Variants in ANKRD28 observed in about 807,000 individuals in gnomAD.
The protein encoded by ANKRD28 is serine/threonine-protein phosphatase 6 regulatory ankyrin repeat subunit A.
ANKRD28 carries 44 observed loss-of-function variants against 126.5 expected under a neutral mutation model. That is an observed-to-expected ratio of 0.35 (90% CI 0.27 to 0.45). The LOEUF is 0.45. Ranked by LOEUF, ANKRD28 falls within the 20% of genes least tolerant of loss-of-function variation. The pLI, the probability that ANKRD28 is intolerant of heterozygous loss-of-function variation, is 1.00. For synonymous variants in ANKRD28, 442 were observed against 468.5 expected (o/e 0.94, Z 0.73); for missense variants, 1,110 against 1,316.6 (o/e 0.84, Z 2.43).
At position 15,766,283 on chromosome 3, in the gene ANKRD28, G is replaced by A. The variant is rs768650313; in HGVS notation, c.231C>T (p.Ala77=). The change falls in exon 3 of 28, where the codon GCC becomes GCT. Residue 77 remains alanine (A), a synonymous_variant. Coordinates refer to ENST00000683139, the MANE Select transcript of ANKRD28 (RefSeq NM_001349278.2). The stretch of plus-strand genomic sequence containing the variant: ...TTTCTGCATCTCCAAGGTAAGCTGC[G>A]GCGTGCAATGGGGTTCGCTTTTCAT... ...QDNEKRTPLH[A]AAYLGDAEII... is the part of the protein sequence containing the mutation. 47 of 1,610,906 alleles carry A rather than the reference G, an allele frequency of 2.9e-5. 1 individual carries two copies. Among genetic ancestry groups the A allele is most frequent in the Non-Finnish European group, 3.1e-5 (36 of 1,178,104 alleles).
intron 4 of ANKRD28, among the ~76,000 whole-genome samples, chr3:15,743,489 C>T (rs1359370159): frequency 6.6e-6 from 1 of 150,698 alleles, no homozygotes; most frequent in East Asian, 2.0e-4. Flanking sequence ...AAATGTAATT[C>T]CTGATTAGGT....
chr3:15,850,869 A>C (rs577783135), intron 1 of ANKRD28, among the ~76,000 whole-genome samples: 101 of 152,338 alleles, frequency 6.6e-4, no homozygotes, highest in African/African-American at 2.4e-3. Context: ...TCAGAAGCCC[A>C]AGTAAAACAA....
At chr3:15,764,980 C>T (rs2058673384) in intron 3 of ANKRD28, among the ~76,000 whole-genome samples, 1 of 150,140 alleles carries the variant, frequency 6.7e-6, no homozygotes, top group Non-Finnish European at 1.5e-5. Flanking sequence ...AACGGCAAAA[C>T]TCTGGGCTAT....
chr3:15,730,571 T>TG (rs2074507083), intron 6 of ANKRD28, among the ~76,000 whole-genome samples: 1 of 152,198 alleles, frequency 6.6e-6, no homozygotes, highest in African/African-American at 2.4e-5. Context: ...TGACAATGCT[T>TG]GTACTTTAGG....
At chr3:15,848,443 G>C (rs1405331231) in intron 1 of ANKRD28, among the ~76,000 whole-genome samples, 1 of 152,154 alleles carries the variant, frequency 6.6e-6, no homozygotes, top group Non-Finnish European at 1.5e-5. Context: ...GGGAAGCCAA[G>C]GTAGGAGGAT....
Position 15,841,490 on chromosome 3 carries a change from A to AC in ANKRD28, c.27+17886dup, listed in dbSNP as rs1361758214. ...AGGAAATAATCAACAAAGTGAAGAG[A>AC]CAACCCATAGAATGGGAGAAAATAT... On this transcript the variant is annotated intron_variant, in intron 1 of 27. Coordinates refer to the ANKRD28 transcript ENST00000399451. Among the ~76,000 whole-genome samples, 4 of 152,264 alleles carry AC rather than the reference A, an allele frequency of 2.6e-5. No homozygotes were observed. In the East Asian group the frequency reaches 7.7e-4, roughly 29 times the overall value.
At chr3:15,679,708 G>A (rs1559320977) in intron 21 of ANKRD28, 145 bp from the exon 22 acceptor site, 2 of 668,914 alleles carry the variant, frequency 3.0e-6, no homozygotes, top group East Asian at 2.7e-5. Context: ...ATAACCATTG[G>A]TAGCTGTTAA....
At chr3:15,759,057 C>A (rs369190102) in intron 3 of ANKRD28, among the ~76,000 whole-genome samples, 2 of 152,132 alleles carry the variant, frequency 1.3e-5, no homozygotes, top group African/African-American at 4.8e-5. Flanking sequence ...AATATCTATA[C>A]CTCAGTGGCC....
intron 1 of ANKRD28, among the ~76,000 whole-genome samples, chr3:15,848,450 G>A (rs2061571545): frequency 6.6e-6 from 1 of 152,114 alleles, no homozygotes. Context: ...CAAGGTAGGA[G>A]GATCACTTGA....
rs891103164 is a variant in ANKRD28 at position 15,797,690 on chromosome 3, A to G, written c.-1169T>C. On this transcript the variant is annotated 5_prime_UTR_variant, in exon 1 of 28. Transcript: ENST00000683139. Reference sequence around the variant, plus strand: ...AATAGCAGACTGTGCATCTTCTTTGAGCCAACTACTTTATTCAGTCATCTG... The same window carrying G: ...AATAGCAGACTGTGCATCTTCTTTGGGCCAACTACTTTATTCAGTCATCTG... 7 of 985,244 alleles carry G rather than the reference A, an allele frequency of 7.1e-6. No homozygotes were observed. The highest frequency in any genetic ancestry group is 7.2e-6 in the Non-Finnish European group (6 of 829,910). 61.0% of individuals were successfully genotyped at this position (985,244 alleles called of 1,614,324 possible).
intron 4 of ANKRD28, among the ~76,000 whole-genome samples, chr3:15,751,031 G>GA (rs879285787): frequency 1.2e-3 from 174 of 139,384 alleles, no homozygotes; most frequent in Admixed American, 3.0e-3. Context: ...TAAAATAACA[G>GA]AAAAAAAAAA....
rs564617611 is a variant in ANKRD28, at chr3:15,705,917, T to A, written c.1547+2007A>T. On this transcript the variant is annotated intron_variant, in intron 14 of 27. Transcript: ENST00000683139. ...AGGAGGCTGAGGCAGGAGAATTGCT[T>A]GTGAACCTGGGAGGTGGAAGCTGCA... is the stretch of plus-strand genomic sequence containing the variant. Among the ~76,000 whole-genome samples, 3 of 152,164 alleles carry A rather than the reference T, an allele frequency of 2.0e-5. No individual in the cohort carries two copies. The South Asian group carries it at 6.2e-4, about 32-fold the overall frequency.
chr3:15,720,194 G>A (rs1188620787), intron 8 of ANKRD28, among the ~76,000 whole-genome samples: 1 of 151,758 alleles, frequency 6.6e-6, no homozygotes, highest in Non-Finnish European at 1.5e-5. Flanking sequence ...AAATCCAAAT[G>A]CTTACTCTTG....
intron 1 of ANKRD28, among the ~76,000 whole-genome samples, chr3:15,848,458 T>A (rs1478370419): frequency 6.6e-6 from 1 of 152,124 alleles, no homozygotes; most frequent in East Asian, 1.9e-4. Flanking sequence ...GAGGATCACT[T>A]GAGCCCAAAA....
Position 15,670,071 on chromosome 3 carries a change from C to G in ANKRD28, c.*199G>C, listed in dbSNP as rs1221714208. 1 of 580,090 alleles carries G rather than the reference C, an allele frequency of 1.7e-6. No individual in the cohort carries two copies. 35.9% of individuals were successfully genotyped at this position (580,090 alleles called of 1,614,324 possible). A position where few individuals can be genotyped will look rare whatever the true frequency, so the allele number is the denominator to read the frequency against. ...ATCAATGTGTTTTCCTCAGTCAGGT[C>G]TATTTCAAGATTCTAGAAGTTCCTT... is the stretch of plus-strand genomic sequence containing the variant. On this transcript the variant is annotated 3_prime_UTR_variant, in exon 28 of 28. Coordinates refer to ENST00000683139, the MANE Select transcript of ANKRD28 (RefSeq NM_001349278.2).
At chr3:15,836,023 T>C (rs1456126151) in intron 1 of ANKRD28, among the ~76,000 whole-genome samples, 2 of 152,074 alleles carry the variant, frequency 1.3e-5, no homozygotes, top group African/African-American at 2.4e-5. Flanking sequence ...GTTTATCCCA[T>C]ATAAACATAT....
At chr3:15,740,619 C>G (rs1173861273) in intron 4 of ANKRD28, among the ~76,000 whole-genome samples, 1 of 152,120 alleles carries the variant, frequency 6.6e-6, no homozygotes. Flanking sequence ...ACACAGAATA[C>G]TAGAGATGTC....
intron 3 of ANKRD28, among the ~76,000 whole-genome samples, chr3:15,762,222 A>AAAACAAC (rs2058519182): frequency 1.1e-5 from 1 of 87,172 alleles, no homozygotes; most frequent in African/African-American, 3.7e-5. Flanking sequence ...AACAAAACAA[A>AAAACAAC]AAAAAAAAAA....
chr3:15,730,456 C>T (rs1003867936), intron 6 of ANKRD28, among the ~76,000 whole-genome samples: 49 of 152,246 alleles, frequency 3.2e-4, no homozygotes, highest in African/African-American at 1.1e-3. Context: ...AAATGGAAAG[C>T]CAGGGCTAAT....
Sources: allele counts gnomAD v4.1 joint callset (sites outside exome capture counted in the v4.1 genomes callset), GRCh38; gene constraint gnomAD v4.1.1; transcripts MANE v1.5; gene names NCBI Gene and HGNC (gene_info 2026-07-23, HGNC 2026-07-21).